Variants in ZNF345 observed in about 807,000 individuals in gnomAD.
The protein encoded by ZNF345 is zinc finger protein HZF10.
For missense variants in ZNF345, 527 were observed against 589.9 expected (o/e 0.89, Z 1.10); for synonymous variants, 166 against 187.9 (o/e 0.88, Z 0.95).
intron 3 of ZNF345, among the ~76,000 whole-genome samples, chr19:36,887,950 A>G (rs1277809666): frequency 1.3e-5 from 2 of 152,194 alleles, no homozygotes; most frequent in African/African-American, 4.8e-5. Context: ...AAAACTGTAA[A>G]TTTTACTACA....
downstream of ZNF345, among the ~76,000 whole-genome samples, chr19:36,882,565 C>T (rs2072975411): frequency 1.3e-5 from 2 of 152,066 alleles, no homozygotes; most frequent in African/African-American, 4.8e-5. Context: ...CTGCACCTGG[C>T]CCCATAGTTT....
chr19:36,854,821 C>T (rs1568349100), intron 2 of ZNF345, among the ~76,000 whole-genome samples: 1 of 150,762 alleles, frequency 6.6e-6, no homozygotes, highest in Non-Finnish European at 1.5e-5. Context: ...ATCTTTTACT[C>T]TTCTCACTTA....
rs199605168 is a variant in ZNF345 at position 36,878,138 on chromosome 19, T to C, written c.1308T>C (p.Tyr436=). The C allele has an allele frequency of 1.1e-4, 179 of 1,614,136 alleles. No individual in the cohort carries two copies. The highest frequency in any genetic ancestry group is 9.0e-4 in the South Asian group (82 of 91,082). Residue 436 remains tyrosine (Y), a synonymous_variant, in exon 3 of 3, where the codon TAT becomes TAC. Coordinates refer to ENST00000420450, the MANE Select transcript of ZNF345 (RefSeq NM_001242472.2). ...YECKECGKAF[Y]SGSSLTQHQR... is the part of the protein sequence containing the mutation. ...GTAAGGAGTGTGGGAAGGCTTTTTATAGTGGCTCAAGCCTTACTCAGCATC... is the reference window on the plus strand; with the variant it reads ...GTAAGGAGTGTGGGAAGGCTTTTTACAGTGGCTCAAGCCTTACTCAGCATC...
intron 2 of ZNF345, among the ~76,000 whole-genome samples, chr19:36,861,701 C>T (rs1345539653): frequency 1.3e-5 from 2 of 152,038 alleles, no homozygotes; most frequent in African/African-American, 4.8e-5. Flanking sequence ...GCTGGGACTA[C>T]AGGTGTGCAC....
intron 2 of ZNF345, among the ~76,000 whole-genome samples, chr19:36,859,035 GAA>G (rs1246231224): frequency 1.3e-5 from 2 of 148,984 alleles, no homozygotes; most frequent in Non-Finnish European, 3.0e-5. Context: ...TTGTGGGAGA[GAA>G]AACCTAAAGT....
intron 2 of ZNF345, among the ~76,000 whole-genome samples, chr19:36,866,387 G>A (rs506463): frequency 0.25 from 38,017 of 151,738 alleles, 7,155 homozygotes; most frequent in African/African-American, 0.53. Flanking sequence ...AATCTCTTTC[G>A]CTCTCCACTG....
chr19:36,860,290 C>A (rs985074555), intron 2 of ZNF345, among the ~76,000 whole-genome samples: 1 of 152,148 alleles, frequency 6.6e-6, no homozygotes, highest in African/African-American at 2.4e-5. Context: ...TATTTCCTAA[C>A]AACAAGATTA....
intron 2 of ZNF345, among the ~76,000 whole-genome samples, chr19:36,857,290 T>A (rs908713979): frequency 6.6e-6 from 1 of 151,944 alleles, no homozygotes; most frequent in Non-Finnish European, 1.5e-5. Flanking sequence ...GAATATATTT[T>A]TCTTATAAAA....
At position 36,877,351 on chromosome 19, in the gene ZNF345, A is replaced by C; in HGVS notation, c.521A>C (p.Tyr174Ser). The change falls in exon 3 of 3, where the codon TAT becomes TCT. Residue 174 changes from tyrosine (Y) to serine (S), a missense_variant. Physicochemically the swap from Tyr to Ser is moderately radical, Grantham distance 144 (BLOSUM62 -2). Coordinates refer to ENST00000420450, the MANE Select transcript of ZNF345 (RefSeq NM_001242472.2). ...ATCATTCACAGTGGTGAGAAGCCTT[A>C]TGAGTGTAAGGAATGTGGGAAGTCC... Reference protein sequence around the residue: ...HQIIHSGEKPYECKECGKSFS... With the variant: ...HQIIHSGEKPSECKECGKSFS... 1 of 1,613,772 alleles carries C rather than the reference A, an allele frequency of 6.2e-7. No homozygotes were observed. Among genetic ancestry groups the C allele is most frequent in the South Asian group, 1.1e-5 (1 of 91,052 alleles).
intron 2 of ZNF345, chr19:36,872,896 G>C (rs1316492205): frequency 1.3e-5 from 2 of 152,144 alleles, no homozygotes; most frequent in African/African-American, 4.8e-5. Flanking sequence ...TGAGGATCCT[G>C]AATCTTTTAT....
In ZNF345 at chr19:36,878,820, T is replaced by C; in HGVS notation, c.*523T>C. On this transcript the variant is annotated 3_prime_UTR_variant, in exon 3 of 3. Coordinates refer to ENST00000420450, the MANE Select transcript of ZNF345 (RefSeq NM_001242472.2). The stretch of plus-strand genomic sequence containing the variant: ...ATTCACATAAAGCTTGGATATCAGG[T>C]CAGTGTTTTTTTGTTTTTGTTTTTG... The C allele has an allele frequency of 6.0e-6, 1 of 167,332 alleles. No individual in the cohort carries two copies. Among genetic ancestry groups the C allele is most frequent in the East Asian group, 1.9e-4 (1 of 5,228 alleles). 10.4% of individuals were successfully genotyped at this position (167,332 alleles called of 1,614,324 possible). A position where few individuals can be genotyped will look rare whatever the true frequency, so the allele number is the denominator to read the frequency against.
At chr19:36,881,401 T>A (rs891944898), downstream of ZNF345, among the ~76,000 whole-genome samples, 1 of 152,304 alleles carries the variant, frequency 6.6e-6, no homozygotes, top group East Asian at 1.9e-4. Flanking sequence ...TTGAACATTT[T>A]AGTAAAAGGA....
rs1444302376 is a variant in ZNF345 at position 36,851,845 on chromosome 19, A to T, written c.-106A>T. 1 of 152,202 alleles carries T rather than the reference A, an allele frequency of 6.6e-6. No individual in the cohort carries two copies. Among genetic ancestry groups the T allele is most frequent in the Non-Finnish European group, 1.5e-5 (1 of 68,084 alleles). 9.4% of individuals were successfully genotyped at this position (152,202 alleles called of 1,614,324 possible). The stretch of plus-strand genomic sequence containing the variant: ...CCTTCCTCAGCCCTGCCCTGCTTGG[A>T]TAGAGGCCTCCGAACAGGAGTAAAG... On this transcript the variant is annotated 5_prime_UTR_variant, in exon 2 of 3. Transcript: ENST00000420450.
intron 2 of ZNF345, among the ~76,000 whole-genome samples, chr19:36,876,321 A>G (rs1020589628): frequency 6.6e-6 from 1 of 152,178 alleles, no homozygotes; most frequent in African/African-American, 2.4e-5. Flanking sequence ...TTACTGAAAC[A>G]TCCCAGATTT....
At chr19:36,890,207 C>T (rs2073036763) in intron 3 of ZNF345, 1 of 151,990 alleles carries the variant, frequency 6.6e-6, no homozygotes, top group Admixed American at 6.6e-5. Context: ...TGAGAATGTT[C>T]CATGCACAGA....
intron 2 of ZNF345, among the ~76,000 whole-genome samples, chr19:36,857,910 G>C (rs1235995072): frequency 6.6e-6 from 1 of 152,088 alleles, no homozygotes; most frequent in Non-Finnish European, 1.5e-5. Flanking sequence ...CAAGTAGCTG[G>C]GATTACAGGC....
intron 2 of ZNF345, among the ~76,000 whole-genome samples, chr19:36,873,767 T>C (rs552131776): frequency 3.0e-4 from 45 of 152,128 alleles, no homozygotes; most frequent in African/African-American, 1.0e-3. Context: ...TCACGTAGCA[T>C]AACGTCCTCC....
At chr19:36,889,087 G>A (rs181943706) in intron 3 of ZNF345, 1 of 152,252 alleles carries the variant, frequency 6.6e-6, no homozygotes, top group Admixed American at 6.5e-5. Context: ...CTGTGTATGT[G>A]ATGAATCATG....
chr19:36,891,646 C>T (rs759428106), intron 3 of ZNF345: 1 of 1,613,290 alleles, frequency 6.2e-7, no homozygotes, highest in Admixed American at 1.7e-5. Flanking sequence ...ACATTCATTA[C>T]ATTCATATGG....
Sources: gnomAD v4.1 joint callset for allele counts (sites outside exome capture counted in the v4.1 genomes callset) on GRCh38, gnomAD v4.1.1 for gene constraint, MANE v1.5 for transcripts, NCBI Gene and HGNC (gene_info 2026-07-23, HGNC 2026-07-21) for gene names.